WDR70: variants seen among roughly 807,000 people sequenced by gnomAD.
WDR70 encodes WD repeat domain 70.
Under a neutral mutation model 88.6 loss-of-function variants are expected in WDR70, and 53 were observed. The ratio of observed to expected loss-of-function variants is 0.60; its 90% CI spans 0.48 to 0.75. The LOEUF (loss-of-function observed/expected upper bound fraction) is 0.75. Among genes scored for constraint, WDR70 ranks in the 30% least tolerant of loss-of-function variants. The pLI, the probability that WDR70 is intolerant of heterozygous loss-of-function variation, is 0.00. For missense variants in WDR70, 610 were observed against 823.2 expected, an observed-to-expected ratio of 0.74 and a Z score of 3.17; for synonymous variants, 280 against 270.0, an observed-to-expected ratio of 1.04 and a Z score of -0.36.
chr5:37,641,835 C>T (rs532422184), intron 10 of WDR70, among the ~76,000 whole-genome samples: 1 of 152,288 alleles, frequency 6.6e-6, no homozygotes, highest in East Asian at 1.9e-4. Flanking sequence ...GTGACTGAAA[C>T]ACTTACTTTT....
chr5:37,425,420 A>C (rs1020739957), intron 5 of WDR70, among the ~76,000 whole-genome samples: 1 of 152,288 alleles, frequency 6.6e-6, no homozygotes, highest in Non-Finnish European at 1.5e-5. Flanking sequence ...ACCTTTGAGA[A>C]GACTTGAAAG....
In WDR70 at chr5:37,578,835, T is replaced by C. The variant is rs114116897; in HGVS notation, c.918-26229T>C. 5.5e-3 allele frequency among the ~76,000 whole-genome samples: 845 copies of C among 152,324 alleles called. 12 individuals carry two copies. The highest frequency in any genetic ancestry group is 0.019 in the African/African-American group (802 of 41,578). On this transcript the variant is annotated intron_variant, in intron 9 of 17. Transcript: ENST00000265107. ...AACATACAGAAACACAGAAAAGTTA[T>C]ACATTTAGCCTAGATACATTTCCAC...
chr5:37,729,889 T>G (rs1442918131), intron 17 of WDR70, among the ~76,000 whole-genome samples: 1 of 152,118 alleles, frequency 6.6e-6, no homozygotes, highest in Non-Finnish European at 1.5e-5. Context: ...CCAGTCCCCC[T>G]TTTTTTCAGT....
Position 37,607,682 on chromosome 5 carries a change from C to G in WDR70, c.1092+2444C>G, listed in dbSNP as rs143679849. ...ACACTTTTTAGGTACCCAGTAGCAT[C>G]ATGTGACCAGTGGCTACTTAATGGA... is the stretch of plus-strand genomic sequence containing the variant. On this transcript the variant is annotated intron_variant, in intron 10 of 17. Transcript: ENST00000265107. Among the ~76,000 whole-genome samples, 8 of 152,290 alleles carry G rather than the reference C, an allele frequency of 5.3e-5. No homozygotes were observed. In the South Asian group the frequency reaches 8.3e-4, roughly 16 times the overall value.
In WDR70 at chr5:37,680,154, T is replaced by A. The variant is rs183426233; in HGVS notation, c.1093-17501T>A. 4.3e-5 allele frequency among the ~76,000 whole-genome samples: 6 copies of A among 138,070 alleles called. No individual in the cohort carries two copies. In the East Asian group the frequency reaches 1.5e-3, roughly 34 times the overall value. 90.6% of individuals were successfully genotyped at this position (138,070 alleles called of 152,430 possible). Reference sequence around the variant, plus strand: ...GCATTTGTCTAACCATCAGTGATGTTGAGCTTTTTTTTTTTTCATATGTTT... The same window carrying A: ...GCATTTGTCTAACCATCAGTGATGTAGAGCTTTTTTTTTTTTCATATGTTT... On this transcript the variant is annotated intron_variant, in intron 10 of 17. Coordinates refer to ENST00000265107, the MANE Select transcript of WDR70 (RefSeq NM_018034.4).
chr5:37,573,435 A>G (rs1026691571), intron 9 of WDR70, among the ~76,000 whole-genome samples: 3 of 151,666 alleles, frequency 2.0e-5, no homozygotes, highest in African/African-American at 4.8e-5. Context: ...AACGTGCAGG[A>G]TTGTTACATA....
At chr5:37,473,413 G>A (rs1304117939) in intron 7 of WDR70, among the ~76,000 whole-genome samples, 5 of 149,402 alleles carry the variant, frequency 3.3e-5, no homozygotes, top group East Asian at 2.0e-4. Flanking sequence ...GCATGATCTC[G>A]GCTCACTGTA....
intron 10 of WDR70, among the ~76,000 whole-genome samples, chr5:37,639,396 G>A (rs1745049702): frequency 6.6e-6 from 1 of 152,170 alleles, no homozygotes; most frequent in South Asian, 2.1e-4. Context: ...CGCTGAAAAT[G>A]CTGGTAAGAC....
At chr5:37,512,484 G>A (rs180898776) in intron 8 of WDR70, among the ~76,000 whole-genome samples, 1 of 152,028 alleles carries the variant, frequency 6.6e-6, no homozygotes, top group Non-Finnish European at 1.5e-5. Context: ...CTCCCAAAGT[G>A]TTGAGATTAC....
Position 37,438,001 on chromosome 5 carries a change from T to G in WDR70, c.552+20T>G. 6.3e-7 allele frequency: 1 copy of G among 1,598,656 alleles called. No individual in the cohort carries two copies. Among genetic ancestry groups the G allele is most frequent in the Non-Finnish European group, 8.5e-7 (1 of 1,172,188 alleles). ...AAAACAGTAAGTTTAAAAATCTAGT[T>G]TTTTCCTCTCTCAAATTACAGGGCT... On this transcript the variant is annotated intron_variant, in intron 6 of 17. Transcript: ENST00000265107.
intron 10 of WDR70, among the ~76,000 whole-genome samples, chr5:37,647,213 A>C (rs1745264982): frequency 6.6e-6 from 1 of 152,144 alleles, no homozygotes; most frequent in Non-Finnish European, 1.5e-5. Flanking sequence ...CTATGTAATT[A>C]TTTTAAATTA....
At chr5:37,537,122 G>C (rs1741689769) in intron 9 of WDR70, among the ~76,000 whole-genome samples, 1 of 152,118 alleles carries the variant, frequency 6.6e-6, no homozygotes, top group East Asian at 1.9e-4. Context: ...TTTAAGTTTA[G>C]TTTCTCAGAT....
At chr5:37,475,455 C>G (rs190657307) in intron 7 of WDR70, among the ~76,000 whole-genome samples, 1 of 152,184 alleles carries the variant, frequency 6.6e-6, no homozygotes, top group East Asian at 1.9e-4. Context: ...TCAGGCTGGT[C>G]TTGAACTCCC....
intron 10 of WDR70, among the ~76,000 whole-genome samples, chr5:37,619,651 C>CT (rs1239952372): frequency 2.0e-5 from 3 of 152,106 alleles, no homozygotes; most frequent in Admixed American, 6.6e-5. Flanking sequence ...TTAACCTACT[C>CT]TTTGATTCAT....
At chr5:37,440,309 T>G (rs34346456) in intron 6 of WDR70, among the ~76,000 whole-genome samples, 138 of 152,284 alleles carry the variant, frequency 9.1e-4, no homozygotes, top group Non-Finnish European at 1.5e-3. Context: ...ATATAAATGT[T>G]AAAACTGAAA....
chr5:37,623,324 G>A (rs1017398845), intron 10 of WDR70, among the ~76,000 whole-genome samples: 2 of 152,038 alleles, frequency 1.3e-5, no homozygotes, highest in Non-Finnish European at 2.9e-5. Context: ...TTCAGGGAGT[G>A]TGTTCTAAAT....
At chr5:37,625,110 G>T (rs1744626876) in intron 10 of WDR70, among the ~76,000 whole-genome samples, 1 of 152,168 alleles carries the variant, frequency 6.6e-6, no homozygotes, top group African/African-American at 2.4e-5. Context: ...AGACAGGAGG[G>T]CAGGAGAAAG....
intron 9 of WDR70, among the ~76,000 whole-genome samples, chr5:37,601,244 A>C (rs1404598737): frequency 1.3e-5 from 2 of 152,158 alleles, no homozygotes; most frequent in African/African-American, 4.8e-5. Context: ...ACAATGTTGA[A>C]TTTTATCAAA....
intron 9 of WDR70, among the ~76,000 whole-genome samples, chr5:37,585,899 G>A (rs1743351207): frequency 6.6e-6 from 1 of 152,052 alleles, no homozygotes; most frequent in Non-Finnish European, 1.5e-5. Context: ...TCCCAATCTA[G>A]TACTAGCCTA....
Sources: allele counts gnomAD v4.1 joint callset (sites outside exome capture counted in the v4.1 genomes callset), GRCh38; gene constraint gnomAD v4.1.1; transcripts MANE v1.5; gene names NCBI Gene and HGNC (gene_info 2026-07-23, HGNC 2026-07-21).